Variants in TBX4 observed in about 807,000 individuals in gnomAD.
TBX4 encodes the protein T-box transcription factor TBX4.
TBX4 carries 13 observed loss-of-function variants against 54.6 expected under a neutral mutation model. That is an observed-to-expected ratio of 0.24 (90% CI 0.15 to 0.38). The LOEUF (loss-of-function observed/expected upper bound fraction) is 0.38. Among genes scored for constraint, TBX4 ranks in the 10% least tolerant of loss-of-function variants. The pLI, the probability that TBX4 is intolerant of heterozygous loss-of-function variation, is 1.00. For missense variants in TBX4, 631 were observed against 728.5 expected, an observed-to-expected ratio of 0.87 and a Z score of 1.54; for synonymous variants, 314 against 306.7, an observed-to-expected ratio of 1.02 and a Z score of -0.25.
chr17:61,458,584 G>A (rs1171148582), intron 3 of TBX4, among the ~76,000 whole-genome samples: 1 of 152,158 alleles, frequency 6.6e-6, no homozygotes, highest in East Asian at 1.9e-4. Flanking sequence ...TTTGGAGTCA[G>A]ACCACGGTGG....
Position 61,476,662 on chromosome 17 carries a change from CG to C in TBX4, c.550-1962del, listed in dbSNP as rs2060622536. 6.6e-6 allele frequency among the ~76,000 whole-genome samples: 1 copy of C among 152,226 alleles called. No homozygotes were observed. Among genetic ancestry groups the C allele is most frequent in the South Asian group, 2.1e-4 (1 of 4,834 alleles). ...ATTCCTCACCTGGCAGGCCCCCAGT[CG>C]GGCAGCAGGTCCCCAGCTGCAGGAC... On this transcript the variant is annotated intron_variant, in intron 5 of 8. Coordinates refer to ENST00000644296, the MANE Select transcript of TBX4 (RefSeq NM_001321120.2). The surrounding 1 kb of genome is among the most constrained non-coding windows in gnomAD (Gnocchi z 6.5).
At position 61,479,622 on chromosome 17, in the gene TBX4, G is replaced by A. The variant is rs1161027510; in HGVS notation, c.703-259G>A. 1.3e-5 allele frequency among the ~76,000 whole-genome samples: 2 copies of A among 152,090 alleles called. No homozygotes were observed. The highest frequency in any genetic ancestry group is 1.3e-4 in the Admixed American group (2 of 15,278). On this transcript the variant is annotated intron_variant, in intron 6 of 8. Transcript: ENST00000644296. This position sits in a 1 kb window ranked among gnomAD's most constrained non-coding sequence, Gnocchi z 6.1. ...GGAGAGCAAGGAGTAGGGAGCCAGG[G>A]ACAAACCAGGTGTGAATGGCAAGGC...
rs945551070 is a variant in TBX4 at position 61,480,751 on chromosome 17, G to A, written c.1021+432G>A. ...GAACAGGGAGGACTTGGTGTCTCAC[G>A]TGCAGGGCCTTCCACCCAATCATTC... On this transcript the variant is annotated intron_variant, in intron 8 of 8. Transcript: ENST00000644296. The surrounding 1 kb of genome is among the most constrained non-coding windows in gnomAD (Gnocchi z 6.2). 2.0e-5 allele frequency among the ~76,000 whole-genome samples: 3 copies of A among 152,202 alleles called. No homozygotes were observed. Among genetic ancestry groups the A allele is most frequent in the Admixed American group, 6.5e-5 (1 of 15,280 alleles).
At position 61,472,888 on chromosome 17, in the gene TBX4, T is replaced by C. The variant is rs1374401436; in HGVS notation, c.549+5231T>C. Among the ~76,000 whole-genome samples, 4 of 151,986 alleles carry C rather than the reference T, an allele frequency of 2.6e-5. No homozygotes were observed. Among genetic ancestry groups the C allele is most frequent in the Non-Finnish European group, 5.9e-5 (4 of 67,982 alleles). On this transcript the variant is annotated intron_variant, in intron 5 of 8. Transcript: ENST00000644296. The surrounding 1 kb of genome is among the most constrained non-coding windows in gnomAD (Gnocchi z 4.5). ...GTTGAGGTGCCTTATTTCTGAACACTAAATCCCTATATGAATGTGTGCCTG... is the reference window on the plus strand; with the variant it reads ...GTTGAGGTGCCTTATTTCTGAACACCAAATCCCTATATGAATGTGTGCCTG...
intron 1 of TBX4, among the ~76,000 whole-genome samples, chr17:61,455,599 AAGCGGTTCCTGTGAATGGGC>A (rs2060441941): frequency 6.6e-6 from 1 of 152,220 alleles, no homozygotes; most frequent in Non-Finnish European, 1.5e-5. Flanking sequence ...AGGCAGGGCT[AAGCGGTTCCTGTGAATGGGC>A]CCAGCCTGCT....
In TBX4 at chr17:61,472,294, T is replaced by A. The variant is rs1420501909; in HGVS notation, c.549+4637T>A. Among the ~76,000 whole-genome samples, 2 of 152,252 alleles carry A rather than the reference T, an allele frequency of 1.3e-5. No homozygotes were observed. Among genetic ancestry groups the A allele is most frequent in the Non-Finnish European group, 2.9e-5 (2 of 68,044 alleles). On this transcript the variant is annotated intron_variant, in intron 5 of 8. Coordinates refer to ENST00000644296, the MANE Select transcript of TBX4 (RefSeq NM_001321120.2). The surrounding 1 kb of genome is among the most constrained non-coding windows in gnomAD (Gnocchi z 4.5). ...GATGTATATATTTCCACCACTGCTG[T>A]GGCCTTACCAATAAGGGCGGGAGAG... is the stretch of plus-strand genomic sequence containing the variant.
At position 61,460,419 on chromosome 17, in the gene TBX4, G is replaced by A. The variant is rs533526134; in HGVS notation, c.281+2788G>A. On this transcript the variant is annotated intron_variant, in intron 3 of 8. Coordinates refer to ENST00000644296, the MANE Select transcript of TBX4 (RefSeq NM_001321120.2). The surrounding 1 kb of genome is among the most constrained non-coding windows in gnomAD (Gnocchi z 4.4). ...CCTTTGGGTCCTTGAGAGTCTTGAAGGTTGACAGAGAGAAGAATCCCTTTC... is the reference window on the plus strand; with the variant it reads ...CCTTTGGGTCCTTGAGAGTCTTGAAAGTTGACAGAGAGAAGAATCCCTTTC... The A allele has an allele frequency of 6.6e-6, 1 of 152,328 alleles. No homozygotes were observed. Among genetic ancestry groups the A allele is most frequent in the East Asian group, 1.9e-4 (1 of 5,180 alleles). The allele number at this position is 152,328 out of a possible 1,614,324, so 9.4% of individuals were successfully genotyped here. A position where few individuals can be genotyped will look rare whatever the true frequency, so the allele number is the denominator to read the frequency against.
At chr17:61,471,323 A>C (rs912770428) in intron 5 of TBX4, among the ~76,000 whole-genome samples, 1 of 152,238 alleles carries the variant, frequency 6.6e-6, no homozygotes, top group Non-Finnish European at 1.5e-5. Flanking sequence ...TCAGAGCACT[A>C]TGCACCTTTT....
rs142327430 is a variant in TBX4, at chr17:61,480,174, C to T, written c.876C>T (p.Pro292=). The part of the protein sequence containing the change: ...PQLSATPDVG[P]LLGTHQALQH... ...TCTCAGCCACACCGGACGTGGGCCC[C>T]CTGCTCGGCACCCACCAGGCACTCC... The change falls in exon 8 of 9, where the codon CCC becomes CCT. Residue 292 remains proline (P), a synonymous_variant. Transcript: ENST00000644296. The surrounding 1 kb of genome is among the most constrained non-coding windows in gnomAD (Gnocchi z 6.2). The T allele has an allele frequency of 8.1e-6, 13 of 1,614,058 alleles. No individual in the cohort carries two copies. The African/African-American group carries it at 1.7e-4, about 22-fold the overall frequency.
At chr17:61,473,790 A>T (rs918834992) in intron 5 of TBX4, among the ~76,000 whole-genome samples, 8 of 152,352 alleles carry the variant, frequency 5.3e-5, no homozygotes, top group African/African-American at 1.9e-4. Flanking sequence ...TACTGTAAAG[A>T]TTAATTTTAT....
intron 5 of TBX4, among the ~76,000 whole-genome samples, chr17:61,470,458 C>G (rs2060568836): frequency 6.6e-6 from 1 of 152,208 alleles, no homozygotes. Flanking sequence ...GGCCCTGGAA[C>G]AGGAACCTCT....
Position 61,481,656 on chromosome 17 carries a change from C to T in TBX4, c.1022-1241C>T, listed in dbSNP as rs1404684965. Among the ~76,000 whole-genome samples the T allele has an allele frequency of 6.6e-6, 1 of 152,216 alleles. No homozygotes were observed. Among genetic ancestry groups the T allele is most frequent in the Admixed American group, 6.5e-5 (1 of 15,280 alleles). On this transcript the variant is annotated intron_variant, in intron 8 of 8. Coordinates refer to ENST00000644296, the MANE Select transcript of TBX4 (RefSeq NM_001321120.2). The surrounding 1 kb of genome is among the most constrained non-coding windows in gnomAD (Gnocchi z 4.8). ...CAGAGGCCTTCACACCCATTTAGCC[C>T]CTCTGCTTCCAGCCCCGTGGGTGCA...
chr17:61,480,165 C>A lies in TBX4; in HGVS notation c.867C>A (p.Asp289Glu). The change falls in exon 8 of 9, where the codon GAC (aspartate) becomes GAA (glutamate). Residue 289 changes from aspartate (D) to glutamate (E), a missense_variant. Around this residue, in one of 3 missense-constraint regions of TBX4, gnomAD observed 354 missense variants for 368.9 expected, o/e 0.96. Coordinates refer to ENST00000644296, the MANE Select transcript of TBX4 (RefSeq NM_001321120.2). The surrounding 1 kb of genome is among the most constrained non-coding windows in gnomAD (Gnocchi z 6.2). The stretch of plus-strand genomic sequence containing the variant: ...CCCCCCAGCTCTCAGCCACACCGGA[C>A]GTGGGCCCCCTGCTCGGCACCCACC... The part of the protein sequence containing the change: ...LISPQLSATP[D>E]VGPLLGTHQA... 6.2e-7 allele frequency: 1 copy of A among 1,614,136 alleles called. No individual in the cohort carries two copies. Among genetic ancestry groups the A allele is most frequent in the Non-Finnish European group, 8.5e-7 (1 of 1,180,024 alleles).
rs963193059 is a variant in TBX4 at position 61,476,658 on chromosome 17, C to T, written c.550-1969C>T. On this transcript the variant is annotated intron_variant, in intron 5 of 8. Transcript: ENST00000644296. The surrounding 1 kb of genome is among the most constrained non-coding windows in gnomAD (Gnocchi z 6.5). ...CTGCATTCCTCACCTGGCAGGCCCC[C>T]AGTCGGGCAGCAGGTCCCCAGCTGC... 1.3e-5 allele frequency among the ~76,000 whole-genome samples: 2 copies of T among 152,218 alleles called. No individual in the cohort carries two copies. Among genetic ancestry groups the T allele is most frequent in the African/African-American group, 4.8e-5 (2 of 41,450 alleles).
rs757013870 is a variant in TBX4 at position 61,483,103 on chromosome 17, G to C, written c.1228G>C (p.Asp410His). Reference protein sequence around the residue: ...PEIAGVSGVDDLPPPPLSCNM... With the variant: ...PEIAGVSGVDHLPPPPLSCNM... ...GATTGCCGGGGTGTCTGGGGTGGACGACCTGCCCCCACCTCCGCTGAGCTG... is the reference window on the plus strand; with the variant it reads ...GATTGCCGGGGTGTCTGGGGTGGACCACCTGCCCCCACCTCCGCTGAGCTG... Residue 410 changes from aspartate to histidine, a missense_variant, in exon 9 of 9, where the codon GAC becomes CAC. Around this residue, in one of 3 missense-constraint regions of TBX4, gnomAD observed 354 missense variants for 368.9 expected, o/e 0.96. Coordinates refer to ENST00000644296, the MANE Select transcript of TBX4 (RefSeq NM_001321120.2). This position sits in a 1 kb window ranked among gnomAD's most constrained non-coding sequence, Gnocchi z 6.6. 1 of 1,613,924 alleles carries C rather than the reference G, an allele frequency of 6.2e-7. No individual in the cohort carries two copies. Among genetic ancestry groups the C allele is most frequent in the Non-Finnish European group, 8.5e-7 (1 of 1,180,014 alleles).
intron 5 of TBX4, among the ~76,000 whole-genome samples, chr17:61,473,776 C>T (rs115241311): frequency 0.011 from 1,621 of 152,300 alleles, 36 homozygotes; most frequent in African/African-American, 0.037. Context: ...CTACTTTATA[C>T]GGATACTGTA....
At chr17:61,454,107 TAACGAATC>T (rs2060431063) in intron 1 of TBX4, among the ~76,000 whole-genome samples, 1 of 152,184 alleles carries the variant, frequency 6.6e-6, no homozygotes, top group Non-Finnish European at 1.5e-5. Flanking sequence ...AACAGTAAGC[TAACGAATC>T]AAAGCAGGGC....
Position 61,457,542 on chromosome 17 carries a change from C to G in TBX4, c.192C>G (p.Ile64Met). The G allele has an allele frequency of 6.2e-7, 1 of 1,613,854 alleles. No homozygotes were observed. Among genetic ancestry groups the G allele is most frequent in the Non-Finnish European group, 8.5e-7 (1 of 1,179,908 alleles). ...VVAAAAAEQTIENIKVGLHEK... is the reference protein window; with the variant it reads ...VVAAAAAEQTMENIKVGLHEK... The stretch of plus-strand genomic sequence containing the variant: ...TCTCTCCCTCCCATCCCCAGACCAT[C>G]GAGAACATCAAGGTGGGGCTGCATG... Residue 64 changes from isoleucine (I) to methionine (M), a missense_variant, in exon 3 of 9, where the codon ATC (isoleucine) becomes ATG (methionine). This residue lies in a region of TBX4 where 123 missense variants were observed against 120.9 expected (regional missense o/e 1.02). Transcript: ENST00000644296. The surrounding 1 kb of genome is among the most constrained non-coding windows in gnomAD (Gnocchi z 8.2).
chr17:61,471,445 A>C (rs1304036224), intron 5 of TBX4, among the ~76,000 whole-genome samples: 1 of 152,250 alleles, frequency 6.6e-6, no homozygotes, highest in Non-Finnish European at 1.5e-5. Flanking sequence ...GAACAAATTA[A>C]AATGTCTACA....
Sources: gnomAD v4.1 joint callset for allele counts (sites outside exome capture counted in the v4.1 genomes callset) on GRCh38, gnomAD v4.1.1 for gene constraint, gnomAD v4.1.1 regional missense constraint, Gnocchi (gnomAD v3.1) non-coding constraint, MANE v1.5 for transcripts, NCBI Gene and HGNC (gene_info 2026-07-23, HGNC 2026-07-21) for gene names.